Variants in CFAP74 observed in about 807,000 individuals in gnomAD.
CFAP74 encodes the protein cilia and flagella associated protein 74.
Under a neutral mutation model 188.9 loss-of-function variants are expected in CFAP74, and 124 were observed. The observed-to-expected ratio is 0.66, with a 90% CI of 0.57 to 0.76. The LOEUF (loss-of-function observed/expected upper bound fraction) is 0.76, where lower values mean the gene tolerates loss of function less well. Among genes scored for constraint, CFAP74 ranks in the 30% least tolerant of loss-of-function variants. The pLI, the probability that CFAP74 is intolerant of heterozygous loss-of-function variation, is 0.00. For missense variants in CFAP74, 2,198 were observed against 2,165.2 expected (o/e 1.02, Z -0.30); for synonymous variants, 956 against 916.7 (o/e 1.04, Z -0.77).
intron 1 of CFAP74, among the ~76,000 whole-genome samples, chr1:1,991,478 C>A (rs1657560762): frequency 1.3e-5 from 2 of 152,206 alleles, no homozygotes; most frequent in South Asian, 4.1e-4. Context: ...TGGCGCATGC[C>A]TATAATCCCA....
rs777492230 is a variant in CFAP74 at position 1,985,383 on chromosome 1, C to T, written c.500+3G>A. On this transcript the variant is annotated splice_donor_region_variant and intron_variant, in intron 6 of 38. Coordinates refer to ENST00000682832, the MANE Select transcript of CFAP74 (RefSeq NM_001304360.2). ...TGCCAGTCCCGGCTGCACACCGACTCACTCGCTCTCCTTCAGCACGGCCTC... is the reference window on the plus strand; with the variant it reads ...TGCCAGTCCCGGCTGCACACCGACTTACTCGCTCTCCTTCAGCACGGCCTC... The T allele has an allele frequency of 1.2e-6, 2 of 1,613,028 alleles. No individual in the cohort carries two copies. The highest frequency in any genetic ancestry group is 3.3e-5 in the Admixed American group (2 of 60,014).
intron 25 of CFAP74, among the ~76,000 whole-genome samples, chr1:1,934,000 A>G (rs1184440429): frequency 6.6e-6 from 1 of 152,190 alleles, no homozygotes; most frequent in African/African-American, 2.4e-5. Context: ...GGTGGTGCCC[A>G]TGAGGATCAG....
At chr1:1,939,029 A>T in intron 24 of CFAP74, 41 bp from the exon 25 acceptor site, 1 of 1,524,580 alleles carries the variant, frequency 6.6e-7, no homozygotes, top group Non-Finnish European at 8.8e-7. Flanking sequence ...TCACGGGGAG[A>T]CCATGTGGAC....
chr1:1,963,584 G>A (rs1655250040), intron 14 of CFAP74, among the ~76,000 whole-genome samples, 165 bp downstream of exon 14: 1 of 151,042 alleles, frequency 6.6e-6, no homozygotes, highest in Non-Finnish European at 1.5e-5. Flanking sequence ...GGACGACTTT[G>A]ACACAAGAAG....
At chr1:1,949,997 G>A (rs778952000) in intron 18 of CFAP74, among the ~76,000 whole-genome samples, 7 of 152,036 alleles carry the variant, frequency 4.6e-5, no homozygotes, top group East Asian at 1.9e-4. Context: ...AGGTTTTTGC[G>A]GGAATTTAAG....
chr1:2,002,150 A>G (rs2102125261), intron 1 of CFAP74, among the ~76,000 whole-genome samples: 1 of 152,194 alleles, frequency 6.6e-6, no homozygotes. Context: ...ACACTCTACA[A>G]GGGTGGGGGG....
At position 1,971,134 on chromosome 1, in the gene CFAP74, C is replaced by T. The variant is rs548738986; in HGVS notation, c.889-318G>A. 1.6e-3 allele frequency among the ~76,000 whole-genome samples: 238 copies of T among 151,026 alleles called. 2 individuals are homozygous for T. Among genetic ancestry groups the T allele is most frequent in the African/African-American group, 5.7e-3 (231 of 40,620 alleles). On this transcript the variant is annotated intron_variant, in intron 9 of 38. Coordinates refer to ENST00000682832, the MANE Select transcript of CFAP74 (RefSeq NM_001304360.2). ...GCACACACATGCTCACACGTGCACA[C>T]ACATGCTCGCACATGCACACCTGGA...
In CFAP74 at chr1:1,966,371, C is replaced by G. The variant is rs755410642; in HGVS notation, c.1401G>C (p.Gln467His). 2.1e-5 allele frequency: 32 copies of G among 1,529,768 alleles called. No individual in the cohort carries two copies. Among genetic ancestry groups the G allele is most frequent in the Admixed American group, 4.1e-5 (2 of 48,996 alleles). 94.8% of individuals were successfully genotyped at this position (1,529,768 alleles called of 1,614,324 possible). A position where few individuals can be genotyped will look rare whatever the true frequency, so the allele number is the denominator to read the frequency against. The change falls in exon 12 of 39, where the codon CAG (glutamine) becomes CAC (histidine). Residue 467 changes from glutamine (Q) to histidine (H), a missense_variant and splice_region_variant. By Grantham distance (24) the Gln-to-His change is conservative (BLOSUM62 0). Coordinates refer to ENST00000682832, the MANE Select transcript of CFAP74 (RefSeq NM_001304360.2). ...GLWNEDYKPY[Q>H]VPKEDVDRKP... ...CGTCTAAAGGAGCAGGAGCTGATAC[C>G]TGGTATGGCTTGTAGTCTTCATTCC...
chr1:1,929,969 GT>G, intron 26 of CFAP74, 90 bp downstream of exon 26: 1 of 1,362,798 alleles, frequency 7.3e-7, no homozygotes, highest in African/African-American at 1.4e-5. Context: ...AAACCCTGTG[GT>G]TAAGGGTGGG....
chr1:1,946,800 C>A (rs1256367526), intron 19 of CFAP74, among the ~76,000 whole-genome samples, 190 bp downstream of exon 19: 1 of 152,198 alleles, frequency 6.6e-6, no homozygotes, highest in Non-Finnish European at 1.5e-5. Flanking sequence ...AGGCGGTGGC[C>A]CCATGCCAGC....
At chr1:1,959,353 C>A in intron 15 of CFAP74, 144 bp from the exon 16 acceptor site, 2 of 609,060 alleles carry the variant, frequency 3.3e-6, no homozygotes, top group Non-Finnish European at 5.8e-6. Flanking sequence ...CTCCACCCAC[C>A]CCCACCTGGG....
rs948316973 is a variant in CFAP74, at chr1:1,930,350, C to G, written c.3012-14G>C. The G allele has an allele frequency of 2.0e-6, 3 of 1,509,654 alleles. No individual in the cohort carries two copies. The highest frequency in any genetic ancestry group is 2.8e-5 in the African/African-American group (2 of 72,712). The allele number at this position is 1,509,654 out of a possible 1,614,324, so 93.5% of individuals were successfully genotyped here. ...AGCTTGAAGCACCTGCAAGCAGCAG[C>G]ATGGGAGGCCCTCAGCCGTGCAGGG... On this transcript the variant is annotated splice_polypyrimidine_tract_variant and intron_variant, in intron 25 of 38. Transcript: ENST00000682832.
At chr1:1,965,767 C>T (rs1048294598) in intron 12 of CFAP74, among the ~76,000 whole-genome samples, 4 of 152,240 alleles carry the variant, frequency 2.6e-5, no homozygotes, top group Non-Finnish European at 5.9e-5. Flanking sequence ...CCACCCTGGT[C>T]AGCCCGGCAT....
intron 25 of CFAP74, among the ~76,000 whole-genome samples, chr1:1,931,743 CAAAAAAAAAA>C (rs34088299): frequency 2.6e-5 from 2 of 77,088 alleles, no homozygotes; most frequent in African/African-American, 5.4e-5. Flanking sequence ...GTCTCTGTCT[CAAAAAAAAAA>C]AAAAAAAAAA....
chr1:1,944,325 G>A lies in CFAP74; in HGVS notation c.2486+6C>T, dbSNP rs1653600809. 2.0e-6 allele frequency: 3 copies of A among 1,534,642 alleles called. No individual in the cohort carries two copies. Among genetic ancestry groups the A allele is most frequent in the Non-Finnish European group, 1.7e-6 (2 of 1,146,546 alleles). ...ACCCCGTGTGCATGGACAGGAGGGG[G>A]CTCACCGCGTGTGCACGAGCACAGA... On this transcript the variant is annotated splice_donor_region_variant and intron_variant, in intron 21 of 38. Coordinates refer to ENST00000682832, the MANE Select transcript of CFAP74 (RefSeq NM_001304360.2).
intron 4 of CFAP74, among the ~76,000 whole-genome samples, chr1:1,987,252 C>G (rs924536892): frequency 3.3e-5 from 5 of 152,236 alleles, no homozygotes; most frequent in African/African-American, 1.2e-4. Flanking sequence ...GGCCCCCACC[C>G]GAAGGTGACA....
intron 14 of CFAP74, 142 bp from the exon 15 acceptor site, chr1:1,960,172 C>G (rs138203411): frequency 1.4e-5 from 10 of 695,248 alleles, no homozygotes; most frequent in East Asian, 6.2e-5. Context: ...GCCTTCACCC[C>G]GGGGAGTGCT....
intron 1 of CFAP74, among the ~76,000 whole-genome samples, chr1:1,992,372 C>T (rs1242065320): frequency 6.6e-6 from 1 of 152,270 alleles, no homozygotes; most frequent in African/African-American, 2.4e-5. Flanking sequence ...CTCTTTGTTG[C>T]CCAGGCTAGT....
At chr1:1,954,676 C>CATTAAAAA in intron 18 of CFAP74, 1 of 368,348 alleles carries the variant, frequency 2.7e-6, no homozygotes. Context: ...TCCAGCTACT[C>CATTAAAAA]AGGAGCTGAG....
Sources: allele counts gnomAD v4.1 joint callset (sites outside exome capture counted in the v4.1 genomes callset), GRCh38; gene constraint gnomAD v4.1.1; transcripts MANE v1.5; gene names NCBI Gene and HGNC (gene_info 2026-07-23, HGNC 2026-07-21).